Variants in MITF observed in about 807,000 individuals in gnomAD.
The protein encoded by MITF is melanocyte inducing transcription factor.
A neutral mutation model predicts 60.5 loss-of-function variants in MITF; 17 were observed. The observed-to-expected ratio is 0.28, with a 90% CI of 0.19 to 0.42. MITF has a LOEUF of 0.42. Ranked by LOEUF, MITF falls within the 10% of genes least tolerant of loss-of-function variation. The probability of loss-of-function intolerance (pLI) is 1.00; values close to 1 mark genes in which losing one functional copy is unlikely to be tolerated. For missense variants in MITF, 622 were observed against 683.5 expected (o/e 0.91, Z 1.00); for synonymous variants, 260 against 248.5 (o/e 1.05, Z -0.43).
At chr3:69,892,160 TTTC>T (rs1170157424) in intron 2 of MITF, among the ~76,000 whole-genome samples, 4 of 152,240 alleles carry the variant, frequency 2.6e-5, no homozygotes, top group Non-Finnish European at 5.9e-5. Context: ...TTTCATTTTT[TTTC>T]TTATTTTTAG....
At chr3:69,870,126 G>A (rs1423752255) in intron 1 of MITF, among the ~76,000 whole-genome samples, 7 of 148,782 alleles carry the variant, frequency 4.7e-5, no homozygotes, top group South Asian at 4.4e-4. Flanking sequence ...TACAGTTGCC[G>A]TAGTCAGTTG....
At chr3:69,774,420 A>G (rs1295372068) in intron 1 of MITF, among the ~76,000 whole-genome samples, 2 of 152,136 alleles carry the variant, frequency 1.3e-5, no homozygotes, top group African/African-American at 2.4e-5. Flanking sequence ...CTCCTTCTAG[A>G]CTGGTACCCC....
At chr3:69,925,923 T>G (rs1163229397) in intron 2 of MITF, among the ~76,000 whole-genome samples, 1 of 152,196 alleles carries the variant, frequency 6.6e-6, no homozygotes. Flanking sequence ...AGATTCTTAT[T>G]CCTTTGTTGG....
chr3:69,811,377 G>C (rs1205617553), intron 1 of MITF, among the ~76,000 whole-genome samples: 1 of 152,134 alleles, frequency 6.6e-6, no homozygotes, highest in African/African-American at 2.4e-5. Flanking sequence ...TGAGAACCCA[G>C]GTGCATGGAC....
At chr3:69,798,706 A>G (rs1041553187) in intron 1 of MITF, among the ~76,000 whole-genome samples, 1 of 152,226 alleles carries the variant, frequency 6.6e-6, no homozygotes, top group Non-Finnish European at 1.5e-5. Flanking sequence ...CTGGTCTCCC[A>G]CATTGCCTCC....
intron 1 of MITF, among the ~76,000 whole-genome samples, chr3:69,761,799 G>A (rs1472742178): frequency 6.6e-6 from 1 of 152,176 alleles, no homozygotes; most frequent in Non-Finnish European, 1.5e-5. Context: ...CAAGGGTGTG[G>A]TATATAAGTA....
At chr3:69,753,677 G>A (rs1055288472) in intron 1 of MITF, among the ~76,000 whole-genome samples, 4 of 152,214 alleles carry the variant, frequency 2.6e-5, no homozygotes, top group Non-Finnish European at 5.9e-5. Context: ...GAGACATAGA[G>A]TCAAAGGAGA....
intron 4 of MITF, among the ~76,000 whole-genome samples, chr3:69,940,725 G>A (rs1006987941): frequency 6.6e-5 from 10 of 152,162 alleles, no homozygotes; most frequent in African/African-American, 1.7e-4. Context: ...AGGGGCCATC[G>A]TCTTTAGGGA....
chr3:69,818,771 C>A (rs934333188), intron 1 of MITF, among the ~76,000 whole-genome samples: 2 of 151,912 alleles, frequency 1.3e-5, no homozygotes, highest in African/African-American at 4.8e-5. Context: ...TTTTAATGAA[C>A]ATTTTCATAA....
intron 1 of MITF, among the ~76,000 whole-genome samples, chr3:69,796,083 A>G (rs1437673298): frequency 6.6e-6 from 1 of 152,060 alleles, no homozygotes; most frequent in Non-Finnish European, 1.5e-5. Context: ...CTGGGTTCAA[A>G]TGATTCTCCT....
intron 2 of MITF, among the ~76,000 whole-genome samples, chr3:69,901,388 G>A (rs1244535606): frequency 6.6e-6 from 1 of 151,806 alleles, no homozygotes; most frequent in African/African-American, 2.4e-5. Context: ...TTTCCATTTT[G>A]CCAAGATTTA....
intron 8 of MITF, among the ~76,000 whole-genome samples, chr3:69,958,903 G>A (rs1322568617): frequency 1.3e-5 from 2 of 151,798 alleles, no homozygotes; most frequent in Non-Finnish European, 2.9e-5. Flanking sequence ...CTAGGCACGT[G>A]GCAAACACTC....
chr3:69,777,036 T>C (rs1297219787), intron 1 of MITF, among the ~76,000 whole-genome samples: 1 of 152,160 alleles, frequency 6.6e-6, no homozygotes, highest in Non-Finnish European at 1.5e-5. Context: ...TTGAAAAATA[T>C]CCAGTAAAAG....
chr3:69,854,450 A>G (rs1252834178), intron 1 of MITF, among the ~76,000 whole-genome samples: 8 of 152,148 alleles, frequency 5.3e-5, no homozygotes, highest in South Asian at 4.1e-4. Context: ...ATTAGTTCTA[A>G]TACCTGGTAC....
chr3:69,866,419 G>T, intron 1 of MITF: 1 of 1,573,222 alleles, frequency 6.4e-7, no homozygotes, highest in South Asian at 1.2e-5. Flanking sequence ...CTTTAAGGGG[G>T]AGGATAAAGG....
chr3:69,903,712 A>G (rs962796411), intron 2 of MITF, among the ~76,000 whole-genome samples: 1 of 152,092 alleles, frequency 6.6e-6, no homozygotes, highest in Non-Finnish European at 1.5e-5. Flanking sequence ...CTTTTCCAGT[A>G]TCTACTGGAG....
intron 2 of MITF, among the ~76,000 whole-genome samples, chr3:69,888,919 G>A (rs1321624337): frequency 6.7e-6 from 1 of 150,198 alleles, no homozygotes; most frequent in Non-Finnish European, 1.5e-5. Flanking sequence ...GGCTCTTAGA[G>A]ATTTGGGATG....
At chr3:69,754,182 T>C (rs765245959) in intron 1 of MITF, among the ~76,000 whole-genome samples, 17 of 152,066 alleles carry the variant, frequency 1.1e-4, no homozygotes, top group Non-Finnish European at 2.2e-4. Flanking sequence ...TGAGTGATTC[T>C]TATGAGTGTG....
chr3:69,755,433 G>GATTTTT, intron 1 of MITF, among the ~76,000 whole-genome samples: 1 of 35,396 alleles, frequency 2.8e-5, no homozygotes, highest in Non-Finnish European at 4.5e-5. Flanking sequence ...ACCCTTCTGG[G>GATTTTT]TTTTTTTTTT....
Sources: gnomAD v4.1 joint callset for allele counts (sites outside exome capture counted in the v4.1 genomes callset) on GRCh38, gnomAD v4.1.1 for gene constraint, MANE v1.5 for transcripts, NCBI Gene and HGNC (gene_info 2026-07-23, HGNC 2026-07-21) for gene names.